The following THTPA variants were observed in gnomAD, a reference collection of about 807,000 sequenced individuals.
THTPA encodes thiamine triphosphatase, also known as thiamine-triphosphatase.
THTPA carries 16 observed loss-of-function variants against 16.5 expected under a neutral mutation model. The observed-to-expected ratio is 0.97, with a 90% CI of 0.66 to 1.47. THTPA has a LOEUF of 1.47. THTPA is among the 40% of genes most tolerant of loss of function. THTPA has a pLI of 0.00. For synonymous variants in THTPA, 110 were observed against 115.5 expected (o/e 0.95, Z 0.30); for missense variants, 281 against 280.9 (o/e 1.00, Z 0.00).
At chr14:23,535,081 C>G in the THTPA span, 1 of 1,536,246 alleles carries the variant, frequency 6.5e-7, no homozygotes, top group Non-Finnish European at 8.7e-7. The surrounding 1 kb of genome is among the most constrained non-coding windows in gnomAD (Gnocchi z 4.5). Flanking sequence ...GAAGTGACCA[C>G]AGTCAGGCCC....
rs1882908589 is a variant in THTPA, at chr14:23,558,939, C to G, written c.*99C>G. On this transcript the variant is annotated 3_prime_UTR_variant, in exon 2 of 2. Coordinates refer to ENST00000288014, the MANE Select transcript of THTPA (RefSeq NM_024328.6). ...CCCTCAGTGTCCCTTCTGACAGTGA[C>G]TCCTCTCTCTCCAGCGCTGCCTGTT... 3.6e-6 allele frequency: 5 copies of G among 1,396,770 alleles called. No homozygotes were observed. In the African/African-American group the frequency reaches 7.2e-5, roughly 20 times the overall value. The allele number at this position is 1,396,770 out of a possible 1,614,324, so 86.5% of individuals were successfully genotyped here.
rs1232732883 is a variant in THTPA, at chr14:23,559,766, C to T, written c.*926C>T. 3.2e-5 allele frequency: 52 copies of T among 1,614,022 alleles called. No homozygotes were observed. Among genetic ancestry groups the T allele is most frequent in the Non-Finnish European group, 4.3e-5 (51 of 1,180,016 alleles). On this transcript the variant is annotated 3_prime_UTR_variant, in exon 2 of 2. Coordinates refer to ENST00000288014, the MANE Select transcript of THTPA (RefSeq NM_024328.6). ...GGAGACAGTTACTGCCACGATTCCACAGGCAAGTTGTTCACCTCAAAGATC... is the reference window on the plus strand; with the variant it reads ...GGAGACAGTTACTGCCACGATTCCATAGGCAAGTTGTTCACCTCAAAGATC...
chr14:23,535,273 T>A, the THTPA span: 1 of 1,492,072 alleles, frequency 6.7e-7, no homozygotes, highest in African/African-American at 1.4e-5. The surrounding 1 kb of genome is among the most constrained non-coding windows in gnomAD (Gnocchi z 4.5). Flanking sequence ...CGGGGCATTG[T>A]GCCCAGGGGA....
At chr14:23,533,374 C>T in the THTPA span, 4 of 1,455,522 alleles carry the variant, frequency 2.7e-6, 1 homozygote, top group Middle Eastern at 3.6e-4. The surrounding 1 kb of genome is among the most constrained non-coding windows in gnomAD (Gnocchi z 4.8). Context: ...TGGCCTCAGC[C>T]CCGGGCCAGC....
the THTPA span, among the ~76,000 whole-genome samples, chr14:23,528,980 T>C: frequency 1.3e-5 from 2 of 152,244 alleles, no homozygotes; most frequent in Non-Finnish European, 2.9e-5. Flanking sequence ...GGAAGAGGTC[T>C]GTTGGCGGGA....
chr14:23,523,732 G>T, the THTPA span: 3,073 of 1,536,310 alleles, frequency 2.0e-3, 50 homozygotes, highest in African/African-American at 0.035. This position sits in a 1 kb window ranked among gnomAD's most constrained non-coding sequence, Gnocchi z 4.1. Context: ...TGCTCATCTG[G>T]GTCCTGTAGC....
chr14:23,525,256 G>C, the THTPA span: 2 of 1,536,094 alleles, frequency 1.3e-6, no homozygotes, highest in Non-Finnish European at 8.7e-7. This position sits in a 1 kb window ranked among gnomAD's most constrained non-coding sequence, Gnocchi z 5.9. Flanking sequence ...CAGGGGCACG[G>C]GTCCCCCCTG....
chr14:23,545,456 C>T, the THTPA span, among the ~76,000 whole-genome samples: 1 of 152,182 alleles, frequency 6.6e-6, no homozygotes. Flanking sequence ...TAAATTGTGG[C>T]CATCTCTCTG....
intron 1 of THTPA, 52 bp downstream of exon 1, chr14:23,557,356 T>TGGAGGCACCTGCTGGACCATGCAGTGGG: frequency 6.7e-7 from 1 of 1,493,222 alleles, no homozygotes; most frequent in Non-Finnish European, 8.9e-7. Context: ...TTTTCTCTTT[T>TGGAGGCACCTGCTGGACCATGCAGTGGG]GGAGGCACCT....
the THTPA span, chr14:23,521,775 T>G: frequency 2.0e-6 from 2 of 1,008,616 alleles, no homozygotes; most frequent in East Asian, 2.7e-5. Context: ...TCTGTGGGGA[T>G]TGGGAGGAGG....
chr14:23,534,162 TG>T, the THTPA span: 1 of 1,471,890 alleles, frequency 6.8e-7, no homozygotes, highest in Non-Finnish European at 9.0e-7. The surrounding 1 kb of genome is among the most constrained non-coding windows in gnomAD (Gnocchi z 4.5). Flanking sequence ...TTTGGTTGAG[TG>T]GGGGGCAGAG....
rs1882407554 is a variant in THTPA at position 23,556,679 on chromosome 14, T to C, written c.-79T>C. The C allele has an allele frequency of 1.3e-6, 2 of 1,484,934 alleles. No individual in the cohort carries two copies. The highest frequency in any genetic ancestry group is 2.7e-5 in the South Asian group (2 of 74,606). 92.0% of individuals were successfully genotyped at this position (1,484,934 alleles called of 1,614,324 possible). A position where few individuals can be genotyped will look rare whatever the true frequency, so the allele number is the denominator to read the frequency against. On this transcript the variant is annotated 5_prime_UTR_variant, in exon 1 of 2. Transcript: ENST00000288014. ...TTCCAGGGAGGGGTTCTGTACTGAG[T>C]TGACGCCCCAGGAGCTGAGCACCAG... is the stretch of plus-strand genomic sequence containing the variant.
the THTPA span, among the ~76,000 whole-genome samples, chr14:23,519,840 T>C: frequency 2.0e-5 from 3 of 152,242 alleles, no homozygotes; most frequent in African/African-American, 7.2e-5. Context: ...CAGGGCTGGC[T>C]GAATTTGTAT....
chr14:23,531,926 G>A, the THTPA span: 50 of 558,136 alleles, frequency 9.0e-5, no homozygotes, highest in African/African-American at 2.3e-4. Flanking sequence ...ACAGGCATGC[G>A]CACCACACCT....
the THTPA span, among the ~76,000 whole-genome samples, chr14:23,540,660 C>T: frequency 2.0e-5 from 3 of 152,250 alleles, no homozygotes; most frequent in Non-Finnish European, 2.9e-5. Flanking sequence ...TGCTCCATCA[C>T]TCACTAGCTG....
the THTPA span, chr14:23,521,014 G>A: frequency 0.029 from 4,334 of 147,702 alleles, 74 homozygotes; most frequent in African/African-American, 0.041. Context: ...TTTTTTTTTT[G>A]AAAGAACTTT....
the THTPA span, chr14:23,533,202 T>C: frequency 1.4e-6 from 2 of 1,435,486 alleles, no homozygotes; most frequent in Non-Finnish European, 1.8e-6. This position sits in a 1 kb window ranked among gnomAD's most constrained non-coding sequence, Gnocchi z 4.8. Flanking sequence ...GTTACCTAAG[T>C]GGGGAGTTGG....
the THTPA span, chr14:23,521,557 C>CGT: frequency 1.2e-4 from 20 of 165,434 alleles, 1 homozygote; most frequent in East Asian, 3.0e-3. Context: ...CATGGGATAA[C>CGT]GTGTGTGTGT....
the THTPA span, among the ~76,000 whole-genome samples, chr14:23,550,743 C>T: frequency 6.6e-6 from 1 of 151,882 alleles, no homozygotes; most frequent in East Asian, 1.9e-4. Flanking sequence ...CTCCCCTCAC[C>T]TACTCAACAC....
Sources: allele counts gnomAD v4.1 joint callset (sites outside exome capture counted in the v4.1 genomes callset), GRCh38; gene constraint gnomAD v4.1.1; non-coding constraint Gnocchi (gnomAD v3.1); transcripts MANE v1.5; gene names NCBI Gene and HGNC (gene_info 2026-07-23, HGNC 2026-07-21).